DTX4: variants seen among roughly 807,000 people sequenced by gnomAD.
DTX4 encodes the protein deltex E3 ubiquitin ligase 4.
DTX4 carries 28 observed loss-of-function variants against 57.6 expected under a neutral mutation model. That is an observed-to-expected ratio of 0.49 (90% CI 0.36 to 0.67). The LOEUF is 0.67. Ranked by LOEUF, DTX4 falls within the 30% of genes least tolerant of loss-of-function variation. The pLI, the probability that DTX4 is intolerant of heterozygous loss-of-function variation, is 0.00. For synonymous variants in DTX4, 316 were observed against 331.0 expected, an observed-to-expected ratio of 0.95 and a Z score of 0.49; for missense variants, 715 against 836.8, an observed-to-expected ratio of 0.85 and a Z score of 1.80.
At chr11:59,195,542 C>T (rs777970868) in intron 7 of DTX4, among the ~76,000 whole-genome samples, 173 bp downstream of exon 7, 1 of 152,182 alleles carries the variant, frequency 6.6e-6, no homozygotes, top group Non-Finnish European at 1.5e-5. Context: ...TTCTGACTTT[C>T]CTATGTATCC....
intron 1 of DTX4, among the ~76,000 whole-genome samples, chr11:59,176,118 G>A (rs984750730): frequency 6.6e-6 from 1 of 152,154 alleles, no homozygotes; most frequent in Admixed American, 6.5e-5. Context: ...CAGATGGAGA[G>A]AAAGAGCATG....
At chr11:59,175,078 C>T (rs190239362) in intron 1 of DTX4, among the ~76,000 whole-genome samples, 2 of 152,344 alleles carry the variant, frequency 1.3e-5, no homozygotes, top group Non-Finnish European at 2.9e-5. Context: ...CTCCCTTCTC[C>T]ACCAACACAC....
intron 4 of DTX4, among the ~76,000 whole-genome samples, chr11:59,190,779 T>C (rs1173694216): frequency 6.6e-6 from 1 of 152,252 alleles, no homozygotes; most frequent in Non-Finnish European, 1.5e-5. Flanking sequence ...ATTTAACGTG[T>C]AACAGTTTGC....
chr11:59,199,620 TA>T, intron 7 of DTX4, 63 bp from the exon 8 acceptor site: 1 of 1,277,872 alleles, frequency 7.8e-7, no homozygotes, highest in East Asian at 2.5e-5. Flanking sequence ...AGTCACAGCC[TA>T]ACCCCGCTCT....
intron 8 of DTX4, among the ~76,000 whole-genome samples, chr11:59,200,790 C>G (rs943816689): frequency 1.3e-5 from 2 of 152,188 alleles, no homozygotes; most frequent in Non-Finnish European, 2.9e-5. Context: ...CTTTCCCGAT[C>G]TCAAAAGGAG....
At chr11:59,195,002 C>A in intron 6 of DTX4, 1 of 608,100 alleles carries the variant, frequency 1.6e-6, no homozygotes. Flanking sequence ...GAGCATGGGA[C>A]CAGTTGTGGA....
intron 7 of DTX4, 148 bp downstream of exon 7, chr11:59,195,517 G>A (rs1264695455): frequency 1.0e-5 from 9 of 880,016 alleles, no homozygotes; most frequent in South Asian, 5.8e-5. Context: ...TACATCCCCC[G>A]ACTCAACACT....
intron 8 of DTX4, among the ~76,000 whole-genome samples, chr11:59,202,744 CCT>C (rs1158384302): frequency 6.6e-6 from 1 of 152,152 alleles, no homozygotes; most frequent in Non-Finnish European, 1.5e-5. Flanking sequence ...ACCTTTTGAG[CCT>C]CTGTTTCCTT....
intron 1 of DTX4, among the ~76,000 whole-genome samples, chr11:59,174,807 G>T (rs1431941950): frequency 2.0e-5 from 3 of 152,176 alleles, no homozygotes. Flanking sequence ...GCGCTCCCTG[G>T]ACTTTAAACC....
rs1018240209 is a variant in DTX4, at chr11:59,208,243, C to G, written c.*3334C>G. On this transcript the variant is annotated 3_prime_UTR_variant, in exon 9 of 9. Transcript: ENST00000227451. The stretch of plus-strand genomic sequence containing the variant: ...CCTATCTGTGAGGGATTTGGGTTAC[C>G]TCCCTGAGTCTGTAAGCAACCACAA... The G allele has an allele frequency of 6.6e-6, 1 of 152,420 alleles. No homozygotes were observed. The highest frequency in any genetic ancestry group is 2.4e-5 in the African/African-American group (1 of 41,420). The allele number at this position is 152,420 out of a possible 1,614,324, so 9.4% of individuals were successfully genotyped here. A position where few individuals can be genotyped will look rare whatever the true frequency, so the allele number is the denominator to read the frequency against.
chr11:59,181,295 C>T (rs1862458984), intron 1 of DTX4, among the ~76,000 whole-genome samples: 1 of 152,118 alleles, frequency 6.6e-6, no homozygotes, highest in African/African-American at 2.4e-5. Context: ...TCCAGAACCT[C>T]GCATGTACAA....
At chr11:59,195,425 T>C in intron 7 of DTX4, 56 bp downstream of exon 7, 7 of 1,530,328 alleles carry the variant, frequency 4.6e-6, no homozygotes, top group Non-Finnish European at 6.2e-6. Flanking sequence ...TATTGTTCTA[T>C]GTGTTTGTAG....
At chr11:59,176,744 C>T (rs1470106942) in intron 1 of DTX4, among the ~76,000 whole-genome samples, 1 of 152,200 alleles carries the variant, frequency 6.6e-6, no homozygotes, top group African/African-American at 2.4e-5. Context: ...TGCTTTGTAA[C>T]GCAGGTGGAA....
At chr11:59,198,522 A>T (rs1374074480) in intron 7 of DTX4, among the ~76,000 whole-genome samples, 1 of 152,182 alleles carries the variant, frequency 6.6e-6, no homozygotes, top group Non-Finnish European at 1.5e-5. Context: ...ACCATAGGTG[A>T]TCTTGAATCA....
chr11:59,181,513 A>G (rs1862461440), intron 1 of DTX4, among the ~76,000 whole-genome samples: 1 of 152,158 alleles, frequency 6.6e-6, no homozygotes, highest in African/African-American at 2.4e-5. Context: ...TGCCACCCAT[A>G]TCCTTCATGC....
At chr11:59,203,735 T>C (rs1235213868) in intron 8 of DTX4, among the ~76,000 whole-genome samples, 1 of 152,244 alleles carries the variant, frequency 6.6e-6, no homozygotes, top group Admixed American at 6.5e-5. Context: ...GAGATCACCA[T>C]TGCATATGTG....
chr11:59,194,961 C>A (rs938165675), intron 6 of DTX4: 49 of 533,922 alleles, frequency 9.2e-5, no homozygotes, highest in Admixed American at 2.6e-4. Context: ...TCCTCAGGGA[C>A]AGGGGCTTCT....
intron 1 of DTX4, among the ~76,000 whole-genome samples, chr11:59,181,211 T>C (rs1018985140): frequency 6.6e-6 from 1 of 152,204 alleles, no homozygotes; most frequent in Non-Finnish European, 1.5e-5. Flanking sequence ...GGAGAAGGAA[T>C]ATGATCATTA....
chr11:59,175,895 T>TA, intron 1 of DTX4, among the ~76,000 whole-genome samples: 1 of 90,680 alleles, frequency 1.1e-5, no homozygotes, highest in Admixed American at 9.3e-5. Context: ...TCAGGCCTCA[T>TA]TTTTTTTTTT....
Sources: gnomAD v4.1 joint callset for allele counts (sites outside exome capture counted in the v4.1 genomes callset) on GRCh38, gnomAD v4.1.1 for gene constraint, MANE v1.5 for transcripts, NCBI Gene and HGNC (gene_info 2026-07-23, HGNC 2026-07-21) for gene names.